Variants in ENOX1 observed in about 807,000 individuals in gnomAD.
The protein encoded by ENOX1 is ecto-NOX disulfide-thiol exchanger 1, also known as candidate growth-related and time keeping constitutive hydroquinone (NADH) oxidase.
In ENOX1, 42 loss-of-function variants were observed where a neutral mutation model predicts 82.5. That is an observed-to-expected ratio of 0.51 (90% confidence interval 0.40 to 0.66). The LOEUF is 0.66. Among genes scored for constraint, ENOX1 ranks in the 30% least tolerant of loss-of-function variants. The probability of loss-of-function intolerance (pLI) is 0.00; values close to 1 mark genes in which losing one functional copy is unlikely to be tolerated. For missense variants in ENOX1, 608 were observed against 811.6 expected, an observed-to-expected ratio of 0.75 and a Z score of 3.05; for synonymous variants, 271 against 282.2, an observed-to-expected ratio of 0.96 and a Z score of 0.40.
chr13:43,422,902 A>C (rs1383444798), intron 3 of ENOX1, among the ~76,000 whole-genome samples: 1 of 152,200 alleles, frequency 6.6e-6, no homozygotes, highest in Non-Finnish European at 1.5e-5. Flanking sequence ...AAAAATCTTG[A>C]GACCTTATGT....
At position 43,668,368 on chromosome 13, in the gene ENOX1, C is replaced by T. The variant is rs115336255; in HGVS notation, c.-284-824G>A. ...ATAAGAAATAGGTTGCCCCGAACTT[C>T]AAGACCATCCTCTGGTATCTAAAAC... On this transcript the variant is annotated intron_variant, in intron 1 of 16. Coordinates refer to ENST00000690772, the MANE Select transcript of ENOX1 (RefSeq NM_001347969.2). Among the ~76,000 whole-genome samples, 1,361 of 152,278 alleles carry T rather than the reference C, an allele frequency of 8.9e-3. 22 individuals are homozygous for T. The highest frequency in any genetic ancestry group is 0.031 in the African/African-American group (1,290 of 41,560).
In ENOX1 at chr13:43,361,471, A is replaced by T. The variant is rs770351339; in HGVS notation, c.209-19T>A. The T allele has an allele frequency of 9.5e-6, 15 of 1,585,426 alleles. No individual in the cohort carries two copies. Among genetic ancestry groups the T allele is most frequent in the Non-Finnish European group, 1.3e-5 (15 of 1,172,178 alleles). ...ATTGAGTCTGTAAAGTATACAAGAT[A>T]ACATTTTGACTGGAGATTAAATCCA... is the stretch of plus-strand genomic sequence containing the variant. On this transcript the variant is annotated intron_variant, in intron 5 of 16. Transcript: ENST00000690772.
At chr13:43,743,508 A>G (rs1477375143) in intron 1 of ENOX1, among the ~76,000 whole-genome samples, 1 of 152,170 alleles carries the variant, frequency 6.6e-6, no homozygotes, top group East Asian at 1.9e-4. Context: ...ATAAATCCTC[A>G]AGTTCTAGTA....
At chr13:43,559,002 C>T (rs1243434395) in intron 2 of ENOX1, among the ~76,000 whole-genome samples, 1 of 152,232 alleles carries the variant, frequency 6.6e-6, no homozygotes, top group Admixed American at 6.5e-5. Flanking sequence ...CCTCTCTTCT[C>T]TGCAAACCAC....
intron 1 of ENOX1, among the ~76,000 whole-genome samples, chr13:43,676,780 T>C (rs1020335807): frequency 3.9e-5 from 6 of 152,146 alleles, no homozygotes; most frequent in African/African-American, 1.4e-4. Flanking sequence ...AGATAGCTGG[T>C]CCGTTGCACC....
intron 9 of ENOX1, among the ~76,000 whole-genome samples, chr13:43,342,150 G>A (rs776228557): frequency 2.6e-5 from 4 of 152,202 alleles, no homozygotes. Context: ...TGTGTCCAGA[G>A]AGAAACATCT....
intron 2 of ENOX1, among the ~76,000 whole-genome samples, chr13:43,659,432 G>A (rs1453149307): frequency 6.6e-6 from 1 of 151,946 alleles, no homozygotes; most frequent in African/African-American, 2.4e-5. Flanking sequence ...AGAGGTTGTG[G>A]TGAGCCGAGA....
intron 16 of ENOX1, among the ~76,000 whole-genome samples, chr13:43,214,991 T>C (rs902804323): frequency 3.3e-5 from 5 of 152,208 alleles, no homozygotes; most frequent in Non-Finnish European, 5.9e-5. Context: ...AATTAGTCTC[T>C]TTAAGCCTCA....
chr13:43,216,477 T>C (rs911960636), intron 16 of ENOX1, among the ~76,000 whole-genome samples: 3 of 152,136 alleles, frequency 2.0e-5, no homozygotes, highest in African/African-American at 7.2e-5. Flanking sequence ...TACGGAGTGG[T>C]ATGTGGTCAA....
intron 2 of ENOX1, among the ~76,000 whole-genome samples, chr13:43,521,541 A>G (rs544721796): frequency 6.6e-6 from 1 of 152,260 alleles, no homozygotes; most frequent in African/African-American, 2.4e-5. Flanking sequence ...GACTGCACAC[A>G]AGTCAAGTCC....
chr13:43,458,459 A>G (rs2057325208), intron 3 of ENOX1: 1 of 152,206 alleles, frequency 6.6e-6, no homozygotes, highest in Non-Finnish European at 1.5e-5. Flanking sequence ...TTTTTTAGGC[A>G]TCGCATCACT....
intron 3 of ENOX1, among the ~76,000 whole-genome samples, chr13:43,469,620 C>A (rs554589334): frequency 1.3e-5 from 2 of 151,882 alleles, no homozygotes; most frequent in South Asian, 4.2e-4. Context: ...TAAAGAAGAT[C>A]TATATAAATG....
chr13:43,406,261 A>G lies in ENOX1; in HGVS notation c.208+5655T>C, dbSNP rs141803923. On this transcript the variant is annotated intron_variant, in intron 5 of 16. Coordinates refer to ENST00000690772, the MANE Select transcript of ENOX1 (RefSeq NM_001347969.2). Reference sequence around the variant, plus strand: ...TGAAGGGGACGGAGAAGGACTTGCAACCTATCTTGGCGTTCCATGAGATAG... The same window carrying G: ...TGAAGGGGACGGAGAAGGACTTGCAGCCTATCTTGGCGTTCCATGAGATAG... 4.0e-3 allele frequency among the ~76,000 whole-genome samples: 605 copies of G among 152,220 alleles called. 16 individuals are homozygous for G. The highest frequency in any genetic ancestry group is 0.035 in the Admixed American group (541 of 15,290).
chr13:43,470,270 AC>A (rs1485575692), intron 3 of ENOX1, among the ~76,000 whole-genome samples: 9 of 44,614 alleles, frequency 2.0e-4, no homozygotes, highest in African/African-American at 5.0e-4. Flanking sequence ...ACATATATAT[AC>A]ACATATATAT....
intron 2 of ENOX1, chr13:43,546,186 G>A (rs1284613842): frequency 6.6e-6 from 1 of 152,264 alleles, no homozygotes; most frequent in Non-Finnish European, 1.5e-5. Context: ...TTTTCAAAGA[G>A]TGATAAGTGC....
rs552350031 is a variant in ENOX1 at position 43,623,442 on chromosome 13, C to G, written c.-219+44037G>C. ...GGCCCTTCTCACTGTTTCCTCTACT[C>G]CTGTATTTTGCTCAGCTCTCCAAAC... On this transcript the variant is annotated intron_variant, in intron 2 of 16. Transcript: ENST00000690772. 9.2e-5 allele frequency among the ~76,000 whole-genome samples: 14 copies of G among 152,284 alleles called. No individual in the cohort carries two copies. The East Asian group carries it at 2.3e-3, about 25-fold the overall frequency.
chr13:43,509,639 A>G lies in ENOX1; in HGVS notation c.-218-25487T>C, dbSNP rs116103947. Among the ~76,000 whole-genome samples the G allele has an allele frequency of 6.2e-3, 948 of 152,174 alleles. 9 individuals carry two copies. Among genetic ancestry groups the G allele is most frequent in the African/African-American group, 0.022 (922 of 41,542 alleles). On this transcript the variant is annotated intron_variant, in intron 2 of 16. Coordinates refer to ENST00000690772, the MANE Select transcript of ENOX1 (RefSeq NM_001347969.2). The stretch of plus-strand genomic sequence containing the variant: ...TGTGAAAATGAAGTGGAAAACCTTA[A>G]AAAGACAAATGTCCAAATAAGAAAG...
At chr13:43,556,323 T>C (rs948066542) in intron 2 of ENOX1, among the ~76,000 whole-genome samples, 3 of 152,168 alleles carry the variant, frequency 2.0e-5, no homozygotes, top group Admixed American at 6.5e-5. Flanking sequence ...ATTCATATTA[T>C]AGAACATTAG....
intron 2 of ENOX1, among the ~76,000 whole-genome samples, chr13:43,623,108 G>GC (rs1253548856): frequency 6.6e-6 from 1 of 152,078 alleles, no homozygotes; most frequent in South Asian, 2.1e-4. Context: ...CTGCCACCAT[G>GC]CCCCCCTCAA....
Sources: allele counts gnomAD v4.1 joint callset (sites outside exome capture counted in the v4.1 genomes callset), GRCh38; gene constraint gnomAD v4.1.1; transcripts MANE v1.5; gene names NCBI Gene and HGNC (gene_info 2026-07-23, HGNC 2026-07-21).